The following RNF20 variants were observed in gnomAD, a reference collection of about 807,000 sequenced individuals.
RNF20 encodes E3 ubiquitin-protein ligase BRE1A.
In RNF20, 84 loss-of-function variants were observed where a neutral mutation model predicts 126.2. The ratio of observed to expected loss-of-function variants is 0.67; its 90% CI spans 0.56 to 0.80. RNF20 has a LOEUF of 0.80. Among genes scored for constraint, RNF20 ranks in the 30% least tolerant of loss-of-function variants. RNF20 has a pLI of 0.00. For synonymous variants in RNF20, 400 were observed against 414.3 expected, an observed-to-expected ratio of 0.97 and a Z score of 0.42; for missense variants, 869 against 1,188.2, an observed-to-expected ratio of 0.73 and a Z score of 3.95.
chr9:101,551,927 A>G, intron 11 of RNF20, 108 bp downstream of exon 11: 1 of 1,341,170 alleles, frequency 7.5e-7, no homozygotes, highest in Non-Finnish European at 1.0e-6. Flanking sequence ...AGAAGTCATA[A>G]GTACCTTAAA....
intron 18 of RNF20, 127 bp downstream of exon 18, chr9:101,561,357 G>T: frequency 1.0e-6 from 1 of 1,001,520 alleles, no homozygotes; most frequent in East Asian, 2.4e-5. Context: ...GTTTGTTGAG[G>T]GAAGAGAGTA....
chr9:101,560,571 C>A, intron 16 of RNF20: 1 of 331,242 alleles, frequency 3.0e-6, no homozygotes, highest in East Asian at 5.9e-5. Flanking sequence ...GGAAAAGAAT[C>A]TTTTCAGTCA....
At position 101,560,891 on chromosome 9, in the gene RNF20, C is replaced by T; in HGVS notation, c.2473C>T (p.Leu825Phe). The T allele has an allele frequency of 1.4e-5, 23 of 1,613,248 alleles. No homozygotes were observed. Among genetic ancestry groups the T allele is most frequent in the Non-Finnish European group, 1.9e-5 (23 of 1,179,614 alleles). The change falls in exon 17 of 20, where the codon CTT becomes TTT. Residue 825 changes from leucine (L) to phenylalanine (F), a missense_variant. Physicochemically the swap from Leu to Phe is conservative, Grantham distance 22. Around this residue, in one of 8 missense-constraint regions of RNF20, gnomAD observed 150 missense variants for 173.7 expected, o/e 0.86. Transcript: ENST00000389120. ...TGGCACAGGGGAGAAAGAGCTGGGT[C>T]TTAGGACCCAAGCCTTAGAGATGAA... is the stretch of plus-strand genomic sequence containing the variant. ...NIGTGEKELG[L>F]RTQALEMNKR...
chr9:101,558,556 A>G (rs1392489042), intron 16 of RNF20, among the ~76,000 whole-genome samples: 1 of 152,128 alleles, frequency 6.6e-6, no homozygotes, highest in African/African-American at 2.4e-5. Context: ...CATCACATCC[A>G]TGCCAACACC....
chr9:101,560,711 T>A (rs1301532295), intron 16 of RNF20, 90 bp from the exon 17 acceptor site: 1 of 1,263,932 alleles, frequency 7.9e-7, no homozygotes, highest in South Asian at 1.6e-5. Flanking sequence ...TCTAACATAC[T>A]GTATTTTGTG....
In RNF20 at chr9:101,561,915, C is replaced by T. The variant is rs866046284; in HGVS notation, c.2655C>T (p.Asp885=). The T allele has an allele frequency of 1.6e-5, 26 of 1,609,194 alleles. No individual in the cohort carries two copies. The highest frequency in any genetic ancestry group is 2.0e-5 in the Non-Finnish European group (24 of 1,175,570). The change falls in exon 19 of 20, where the codon GAC becomes GAT. Residue 885 remains aspartate (D), a synonymous_variant. Coordinates refer to ENST00000389120, the MANE Select transcript of RNF20 (RefSeq NM_019592.7). ...DMFNFKRAQE[D]ISRLRRKLET... ...GGTATGCTATCCTGCCACAGGAGGA[C>T]ATCTCTAGACTTCGCAGGAAGCTGG...
chr9:101,561,868 A>T, intron 18 of RNF20, 42 bp from the exon 19 acceptor site: 1 of 1,314,162 alleles, frequency 7.6e-7, no homozygotes, highest in South Asian at 1.2e-5. Context: ...AAAATGATAG[A>T]TTTGGGTAAG....
intron 5 of RNF20, among the ~76,000 whole-genome samples, chr9:101,541,966 C>CA (rs951626911): frequency 9.9e-5 from 15 of 151,428 alleles, no homozygotes; most frequent in South Asian, 2.1e-4. Flanking sequence ...TGCTCAAATG[C>CA]AAAAAAAATG....
At chr9:101,547,249 T>C (rs1160571084) in intron 8 of RNF20, 35 bp downstream of exon 8, 11 of 1,609,904 alleles carry the variant, frequency 6.8e-6, no homozygotes, top group Admixed American at 1.7e-5. Flanking sequence ...TTTTGGACTG[T>C]ATGTCAGCTT....
chr9:101,561,001 G>A (rs924411602), intron 17 of RNF20, 75 bp downstream of exon 17: 30 of 1,597,384 alleles, frequency 1.9e-5, no homozygotes, highest in African/African-American at 6.7e-5. Context: ...TTGTAAGTTC[G>A]CTTTATTCCT....
Position 101,554,861 on chromosome 9 carries a change from AT to A in RNF20, c.2169+21del. ...CCAAGCAGGTGGACTCACTTTCTTTATTTAATTGACTTTTTGAGTAAATGTT... is the reference window on the plus strand; with the variant it reads ...CCAAGCAGGTGGACTCACTTTCTTTATTAATTGACTTTTTGAGTAAATGTT... On this transcript the variant is annotated intron_variant, in intron 15 of 19. Coordinates refer to ENST00000389120, the MANE Select transcript of RNF20 (RefSeq NM_019592.7). 7.2e-7 allele frequency: 1 copy of A among 1,389,612 alleles called. No homozygotes were observed. Among genetic ancestry groups the A allele is most frequent in the Non-Finnish European group, 9.4e-7 (1 of 1,060,348 alleles). 86.1% of individuals were successfully genotyped at this position (1,389,612 alleles called of 1,614,324 possible). A position where few individuals can be genotyped will look rare whatever the true frequency, so the allele number is the denominator to read the frequency against.
At chr9:101,542,765 A>G (rs958984828) in intron 5 of RNF20, among the ~76,000 whole-genome samples, 1 of 152,250 alleles carries the variant, frequency 6.6e-6, no homozygotes, top group Non-Finnish European at 1.5e-5. Flanking sequence ...TAAAATGAGT[A>G]GTATATCAAA....
intron 9 of RNF20, 123 bp downstream of exon 9, chr9:101,547,641 C>G (rs1045541869): frequency 8.8e-7 from 1 of 1,140,870 alleles, no homozygotes; most frequent in Non-Finnish European, 1.2e-6. Flanking sequence ...ATCCAACATC[C>G]TTTTATGATA....
intron 4 of RNF20, 72 bp from the exon 5 acceptor site, chr9:101,540,721 G>GA (rs1197446913): frequency 1.3e-5 from 20 of 1,584,654 alleles, no homozygotes; most frequent in South Asian, 3.4e-5. Context: ...CCATTTGAGG[G>GA]AAAAAAAATG....
chr9:101,555,845 G>A (rs959078165), intron 15 of RNF20, among the ~76,000 whole-genome samples: 4 of 151,434 alleles, frequency 2.6e-5, no homozygotes, highest in Non-Finnish European at 5.9e-5. Flanking sequence ...TGTAATCCCA[G>A]CTACTTGGGA....
chr9:101,534,772 T>C (rs1222708717), intron 1 of RNF20, among the ~76,000 whole-genome samples: 1 of 152,170 alleles, frequency 6.6e-6, no homozygotes, highest in Non-Finnish European at 1.5e-5. Context: ...TTTTCTGATT[T>C]TGGCATTACA....
At chr9:101,539,656 T>C (rs1827230117) in intron 2 of RNF20, among the ~76,000 whole-genome samples, 1 of 152,158 alleles carries the variant, frequency 6.6e-6, no homozygotes, top group African/African-American at 2.4e-5. Context: ...TTCCAGATAA[T>C]GACAAAAGTC....
intron 4 of RNF20, 30 bp downstream of exon 4, chr9:101,540,667 C>T (rs753997642): frequency 2.5e-6 from 4 of 1,611,300 alleles, no homozygotes; most frequent in Non-Finnish European, 3.4e-6. Context: ...TCTATCACTG[C>T]ATGCTATCTG....
chr9:101,547,630 A>T, intron 9 of RNF20, 112 bp downstream of exon 9: 2 of 1,221,398 alleles, frequency 1.6e-6, no homozygotes, highest in South Asian at 3.0e-5. Context: ...ATGTAGACAA[A>T]ATCCAACATC....
Sources: gnomAD v4.1 joint callset for allele counts (sites outside exome capture counted in the v4.1 genomes callset) on GRCh38, gnomAD v4.1.1 for gene constraint, gnomAD v4.1.1 regional missense constraint, MANE v1.5 for transcripts, NCBI Gene and HGNC (gene_info 2026-07-23, HGNC 2026-07-21) for gene names.